The following GPC6 variants were observed in gnomAD, a reference collection of about 807,000 sequenced individuals.
The protein encoded by GPC6 is glypican-6.
In GPC6, 14 loss-of-function variants were observed where a neutral mutation model predicts 55.2. The ratio of observed to expected loss-of-function variants is 0.25; its 90% CI spans 0.17 to 0.40. The LOEUF (loss-of-function observed/expected upper bound fraction) is 0.40, where lower values mean the gene tolerates loss of function less well. GPC6 is among the 10% of genes least tolerant of loss of function. GPC6 has a pLI of 1.00. For synonymous variants in GPC6, 278 were observed against 259.6 expected (o/e 1.07, Z -0.68); for missense variants, 641 against 708.5 (o/e 0.90, Z 1.08).
intron 1 of GPC6, among the ~76,000 whole-genome samples, chr13:93,359,829 T>C (rs189920465): frequency 1.3e-5 from 2 of 152,142 alleles, no homozygotes; most frequent in African/African-American, 4.8e-5. Context: ...TCTGTTCATA[T>C]AATCTGAACA....
chr13:93,898,106 T>C (rs1876116342), intron 3 of GPC6, among the ~76,000 whole-genome samples: 1 of 152,202 alleles, frequency 6.6e-6, no homozygotes, highest in Non-Finnish European at 1.5e-5. Flanking sequence ...TCTTGACCTC[T>C]ACAATTGAAG....
chr13:94,232,371 C>T (rs1173494146), intron 4 of GPC6, among the ~76,000 whole-genome samples: 1 of 152,214 alleles, frequency 6.6e-6, no homozygotes, highest in East Asian at 1.9e-4. Context: ...CGGAGCAGTG[C>T]TTTCATGGTC....
chr13:93,427,778 G>A lies in GPC6; in HGVS notation c.161-117485G>A, dbSNP rs143815831. 1.3e-4 allele frequency among the ~76,000 whole-genome samples: 20 copies of A among 152,192 alleles called. 1 individual carries two copies. In the East Asian group the frequency reaches 3.3e-3, roughly 25 times the overall value. On this transcript the variant is annotated intron_variant, in intron 1 of 8. Transcript: ENST00000377047. ...GCCTCATAAGCACACACAATAGTCCGTTCAGTGCAAAATGAGTGCACGATG... is the reference window on the plus strand; with the variant it reads ...GCCTCATAAGCACACACAATAGTCCATTCAGTGCAAAATGAGTGCACGATG...
rs574389731 is a variant in GPC6 at position 93,800,414 on chromosome 13, G to A, written c.320-29740G>A. ...CTGAGGCTTTTTCAAGGGTGGAATT[G>A]AAGATTTTTGAGGAAACAGCATCTC... On this transcript the variant is annotated intron_variant, in intron 2 of 8. Transcript: ENST00000377047. 6.6e-5 allele frequency among the ~76,000 whole-genome samples: 10 copies of A among 152,202 alleles called. No individual in the cohort carries two copies. In the South Asian group the frequency reaches 1.9e-3, roughly 28 times the overall value.
chr13:94,059,703 T>A (rs1403708457), intron 4 of GPC6, among the ~76,000 whole-genome samples: 1 of 151,862 alleles, frequency 6.6e-6, no homozygotes, highest in Non-Finnish European at 1.5e-5. Context: ...GCCCGCTGCT[T>A]GCTTTATATA....
intron 3 of GPC6, among the ~76,000 whole-genome samples, chr13:93,910,720 A>C (rs1876925228): frequency 6.6e-6 from 1 of 152,222 alleles, no homozygotes; most frequent in African/African-American, 2.4e-5. Flanking sequence ...GGAGGGATTC[A>C]GCCTCCTAAA....
chr13:93,980,810 C>T (rs957252567), intron 3 of GPC6, among the ~76,000 whole-genome samples: 2 of 152,100 alleles, frequency 1.3e-5, no homozygotes, highest in Non-Finnish European at 2.9e-5. Flanking sequence ...TCTGGAGCTC[C>T]TCTTTATAGG....
chr13:94,162,774 T>C (rs1888213653), intron 4 of GPC6, among the ~76,000 whole-genome samples: 1 of 152,188 alleles, frequency 6.6e-6, no homozygotes, highest in Admixed American at 6.5e-5. Context: ...CAGCTGGACA[T>C]TGAGCATATA....
chr13:94,317,847 G>A (rs934805298), intron 6 of GPC6, among the ~76,000 whole-genome samples: 6 of 152,090 alleles, frequency 3.9e-5, no homozygotes, highest in Non-Finnish European at 5.9e-5. Context: ...GTATGTGAGT[G>A]TGAGAGTGTG....
At chr13:94,219,797 A>G (rs1566558389) in intron 4 of GPC6, among the ~76,000 whole-genome samples, 1 of 152,110 alleles carries the variant, frequency 6.6e-6, no homozygotes. Context: ...GGAAGACTTT[A>G]AATTTTACCA....
Position 93,761,534 on chromosome 13 carries a change from G to T in GPC6, c.320-68620G>T, listed in dbSNP as rs527833670. Among the ~76,000 whole-genome samples the T allele has an allele frequency of 2.6e-5, 4 of 152,150 alleles. No homozygotes were observed. In the South Asian group the frequency reaches 8.3e-4, roughly 32 times the overall value. On this transcript the variant is annotated intron_variant, in intron 2 of 8. Coordinates refer to ENST00000377047, the MANE Select transcript of GPC6 (RefSeq NM_005708.5). ...TTTAGTTTTAAAATTTTTAAATAGA[G>T]ACAGGGTCATCTTGCTCTGGTGCCC...
intron 1 of GPC6, among the ~76,000 whole-genome samples, chr13:93,473,991 C>G (rs1226099969): frequency 6.6e-6 from 1 of 152,216 alleles, no homozygotes; most frequent in Non-Finnish European, 1.5e-5. Context: ...GTTCCCCCTG[C>G]TGCCATCACT....
chr13:94,141,912 A>G (rs149012667), intron 4 of GPC6, among the ~76,000 whole-genome samples: 1 of 152,288 alleles, frequency 6.6e-6, no homozygotes, highest in African/African-American at 2.4e-5. Context: ...CAGTTGGAGA[A>G]TTCTCGTTAG....
At chr13:93,989,274 A>G (rs1279470380) in intron 3 of GPC6, among the ~76,000 whole-genome samples, 1 of 152,174 alleles carries the variant, frequency 6.6e-6, no homozygotes, top group African/African-American at 2.4e-5. Flanking sequence ...AGAATGACCC[A>G]TAGGATTATA....
chr13:94,098,136 T>G (rs927725159), intron 4 of GPC6, among the ~76,000 whole-genome samples: 70 of 152,222 alleles, frequency 4.6e-4, no homozygotes, highest in African/African-American at 1.6e-3. Context: ...TATTAAGAAA[T>G]GTAATATGGA....
chr13:93,960,581 G>A (rs1220552753), intron 3 of GPC6, among the ~76,000 whole-genome samples: 1 of 152,154 alleles, frequency 6.6e-6, no homozygotes, highest in Admixed American at 6.5e-5. Flanking sequence ...GTGCTGAGGT[G>A]TATAAGGTTC....
chr13:93,929,726 C>T (rs970997372), intron 3 of GPC6, among the ~76,000 whole-genome samples: 11 of 150,638 alleles, frequency 7.3e-5, no homozygotes, highest in Non-Finnish European at 2.9e-5. Context: ...TGTCTAATAG[C>T]CCCATTAAAC....
chr13:94,366,198 A>C (rs1006639969), intron 6 of GPC6, among the ~76,000 whole-genome samples: 1 of 152,212 alleles, frequency 6.6e-6, no homozygotes, highest in Non-Finnish European at 1.5e-5. Flanking sequence ...ATTTGAAGTA[A>C]GAGTTGGCAA....
chr13:93,586,523 C>G (rs1242376648), intron 2 of GPC6, among the ~76,000 whole-genome samples: 1 of 152,106 alleles, frequency 6.6e-6, no homozygotes, highest in Non-Finnish European at 1.5e-5. Flanking sequence ...AAAGTACTTC[C>G]TGTTCAAAAA....
Sources: allele counts gnomAD v4.1 joint callset (sites outside exome capture counted in the v4.1 genomes callset), GRCh38; gene constraint gnomAD v4.1.1; transcripts MANE v1.5; gene names NCBI Gene and HGNC (gene_info 2026-07-23, HGNC 2026-07-21).